Variants in HELLS observed in about 807,000 individuals in gnomAD.
HELLS encodes the protein helicase, lymphoid specific, also known as lymphoid-specific helicase.
In HELLS, 32 loss-of-function variants were observed where a neutral mutation model predicts 120.0. The observed-to-expected ratio is 0.27, with a 90% confidence interval of 0.20 to 0.36. The LOEUF (loss-of-function observed/expected upper bound fraction) is 0.36. Among genes scored for constraint, HELLS ranks in the 10% least tolerant of loss-of-function variants. The probability of loss-of-function intolerance (pLI) is 1.00; values close to 1 mark genes in which losing one functional copy is unlikely to be tolerated. For synonymous variants in HELLS, 341 were observed against 323.4 expected (o/e 1.05, Z -0.58); for missense variants, 650 against 993.4 (o/e 0.65, Z 4.65).
intron 8 of HELLS, 71 bp downstream of exon 8, chr10:94,574,258 A>G: frequency 1.0e-6 from 1 of 974,606 alleles, no homozygotes; most frequent in Non-Finnish European, 1.6e-6. Context: ...TTGAGGTACC[A>G]CAACTTGAGT....
At chr10:94,567,905 GTTTTTTTTTTT>G (rs34881072) in intron 6 of HELLS, among the ~76,000 whole-genome samples, 2 of 130,632 alleles carry the variant, frequency 1.5e-5, no homozygotes, top group Admixed American at 8.1e-5. Flanking sequence ...TGAAACCCTG[GTTTTTTTTTTT>G]TTTTTTTTTT....
At chr10:94,557,934 T>G (rs1380123691) in intron 3 of HELLS, among the ~76,000 whole-genome samples, 1 of 152,208 alleles carries the variant, frequency 6.6e-6, no homozygotes, top group Non-Finnish European at 1.5e-5. Context: ...TTAATAAATT[T>G]TATCTGGATT....
At chr10:94,552,846 G>C (rs1843054213) in intron 2 of HELLS, among the ~76,000 whole-genome samples, 4 of 152,122 alleles carry the variant, frequency 2.6e-5, no homozygotes, top group African/African-American at 9.7e-5. Context: ...GGGCATGGTG[G>C]CATCTGCCTA....
intron 17 of HELLS, among the ~76,000 whole-genome samples, chr10:94,593,009 C>A (rs577143745): frequency 6.6e-6 from 1 of 152,100 alleles, no homozygotes; most frequent in East Asian, 1.9e-4. Flanking sequence ...TACCCTTTTC[C>A]GTAATGACTT....
chr10:94,570,553 C>T (rs766979429), intron 6 of HELLS: 2 of 151,960 alleles, frequency 1.3e-5, no homozygotes, highest in Non-Finnish European at 1.5e-5. Flanking sequence ...GAATCTACTT[C>T]ATCCCCTATG....
At chr10:94,556,130 A>G (rs1018624939) in intron 3 of HELLS, among the ~76,000 whole-genome samples, 1 of 152,140 alleles carries the variant, frequency 6.6e-6, no homozygotes, top group Non-Finnish European at 1.5e-5. Context: ...TGAACCCTCA[A>G]CCTATGGGGT....
At chr10:94,596,271 T>C (rs1845732525) in intron 19 of HELLS, among the ~76,000 whole-genome samples, 1 of 152,218 alleles carries the variant, frequency 6.6e-6, no homozygotes, top group Admixed American at 6.5e-5. Flanking sequence ...CAGATTTATG[T>C]ACTCCTATGT....
chr10:94,604,912 C>A (rs1846111323), downstream of HELLS, among the ~76,000 whole-genome samples: 1 of 151,766 alleles, frequency 6.6e-6, no homozygotes, highest in Non-Finnish European at 1.5e-5. Flanking sequence ...CAGTAATAAA[C>A]CTCCCCCTCC....
chr10:94,584,005 G>A, intron 12 of HELLS: 1 of 680,996 alleles, frequency 1.5e-6, no homozygotes, highest in Non-Finnish European at 2.5e-6. Context: ...TTCCTAGAAT[G>A]TATGTGTCAG....
intron 2 of HELLS, among the ~76,000 whole-genome samples, chr10:94,550,030 C>T (rs142872943): frequency 0.028 from 4,246 of 152,224 alleles, 93 homozygotes; most frequent in South Asian, 0.045. Context: ...AAGCAATTCT[C>T]CTGCCTCAGC....
chr10:94,582,495 A>G (rs1348418793), intron 11 of HELLS, among the ~76,000 whole-genome samples: 1 of 152,128 alleles, frequency 6.6e-6, no homozygotes, highest in Non-Finnish European at 1.5e-5. Flanking sequence ...TCATTGTAAT[A>G]TATATATTTT....
chr10:94,587,958 C>A (rs1273294696), intron 12 of HELLS, among the ~76,000 whole-genome samples: 2 of 152,058 alleles, frequency 1.3e-5, no homozygotes, highest in Admixed American at 1.3e-4. Context: ...CTAAGAAATA[C>A]AAATGCTACC....
At chr10:94,582,190 A>C (rs1261786019) in intron 11 of HELLS, among the ~76,000 whole-genome samples, 1 of 152,216 alleles carries the variant, frequency 6.6e-6, no homozygotes, top group Non-Finnish European at 1.5e-5. Context: ...TGGAAAAATA[A>C]TTTTAAATTT....
intron 18 of HELLS, among the ~76,000 whole-genome samples, chr10:94,594,421 C>T (rs1348071205): frequency 1.3e-5 from 2 of 152,168 alleles, no homozygotes; most frequent in African/African-American, 4.8e-5. Context: ...TCATATGATC[C>T]TCCTGCCTTG....
chr10:94,557,119 C>T (rs1438058239), intron 3 of HELLS: 1 of 352,656 alleles, frequency 2.8e-6, no homozygotes, highest in East Asian at 8.9e-5. Context: ...CTGTTCTTCC[C>T]ATTGCACTTT....
chr10:94,589,595 A>G (rs1031004506), intron 13 of HELLS, among the ~76,000 whole-genome samples: 1 of 151,718 alleles, frequency 6.6e-6, no homozygotes, highest in East Asian at 1.9e-4. Flanking sequence ...TTTATTGTAC[A>G]CTATAAACCT....
In HELLS at chr10:94,575,173, C is replaced by T. The variant is rs1214876496; in HGVS notation, c.888+437C>T. 2.3e-5 allele frequency among the ~76,000 whole-genome samples: 3 copies of T among 131,966 alleles called. No homozygotes were observed. The East Asian group carries it at 6.8e-4, about 30-fold the overall frequency. 86.6% of individuals were successfully genotyped at this position (131,966 alleles called of 152,430 possible). A position where few individuals can be genotyped will look rare whatever the true frequency, so the allele number is the denominator to read the frequency against. ...GGAGGGCAGTGATGCAGTCTTGGTT[C>T]ACTGCAATCTCTGCCTCCCATGATG... is the stretch of plus-strand genomic sequence containing the variant. On this transcript the variant is annotated intron_variant, in intron 9 of 21. Transcript: ENST00000348459.
chr10:94,607,293 G>A (rs1326421894), intron 8 of HELLS, among the ~76,000 whole-genome samples: 2 of 152,096 alleles, frequency 1.3e-5, no homozygotes, highest in African/African-American at 4.8e-5. Flanking sequence ...GTTGTCTATT[G>A]AGTCAGTTAA....
intron 2 of HELLS, among the ~76,000 whole-genome samples, chr10:94,547,498 C>T (rs1253964786): frequency 6.6e-6 from 1 of 152,112 alleles, no homozygotes; most frequent in Non-Finnish European, 1.5e-5. Flanking sequence ...GTTATGTCAA[C>T]AATAATTTTT....
Sources: gnomAD v4.1 joint callset for allele counts (sites outside exome capture counted in the v4.1 genomes callset) on GRCh38, gnomAD v4.1.1 for gene constraint, MANE v1.5 for transcripts, NCBI Gene and HGNC (gene_info 2026-07-23, HGNC 2026-07-21) for gene names.